Variants in EPN2 observed in about 807,000 individuals in gnomAD.
EPN2 encodes epsin 2.
A neutral mutation model predicts 61.7 loss-of-function variants in EPN2; 34 were observed. The ratio of observed to expected loss-of-function variants is 0.55; its 90% confidence interval spans 0.42 to 0.73. The LOEUF is 0.73. EPN2 is among the 30% of genes least tolerant of loss of function. The pLI is 0.00. For missense variants in EPN2, 714 were observed against 839.2 expected (o/e 0.85, Z 1.84); for synonymous variants, 349 against 353.6 (o/e 0.99, Z 0.15).
At chr17:19,287,223 A>G (rs962173874) in intron 4 of EPN2, among the ~76,000 whole-genome samples, 5 of 151,738 alleles carry the variant, frequency 3.3e-5, no homozygotes, top group African/African-American at 9.7e-5. Flanking sequence ...CTCTGCTTGG[A>G]TATCGCTCCC....
In EPN2 at chr17:19,282,979, G is replaced by A; in HGVS notation, c.-141G>A. The A allele has an allele frequency of 1.6e-6, 1 of 635,310 alleles. No homozygotes were observed. The highest frequency in any genetic ancestry group is 2.7e-6 in the Non-Finnish European group (1 of 372,218). The allele number at this position is 635,310 out of a possible 1,614,324, so 39.4% of individuals were successfully genotyped here. On this transcript the variant is annotated 5_prime_UTR_variant, in exon 3 of 11. Transcript: ENST00000314728. ...TGGCTTCCAGCTTTTCGAATCTGAG[G>A]CTCCAAAGGAGGAAATGACCATTCA...
intron 1 of EPN2, among the ~76,000 whole-genome samples, chr17:19,256,148 A>G (rs992853828): frequency 2.0e-5 from 3 of 151,984 alleles, no homozygotes; most frequent in African/African-American, 7.2e-5. Flanking sequence ...CATGTTAGCC[A>G]GGATGGTCGC....
In EPN2 at chr17:19,331,925, T is replaced by C. The variant is rs1907176183; in HGVS notation, c.1484T>C (p.Leu495Pro). The change falls in exon 10 of 11, where the codon CTG (leucine) becomes CCG (proline). Residue 495 changes from leucine (L) to proline (P), a missense_variant. Transcript: ENST00000314728. The stretch of plus-strand genomic sequence containing the variant: ...CCTGACCCCTTTGAGTCTCAACCCC[T>C]GACTGTCGCCTCAAGCAAGCCCAGC... ...TSPDPFESQP[L>P]TVASSKPSSA... 1.2e-6 allele frequency: 2 copies of C among 1,614,024 alleles called. No homozygotes were observed. The highest frequency in any genetic ancestry group is 1.1e-5 in the South Asian group (1 of 91,086).
rs1906040605 is a variant in EPN2, at chr17:19,309,988, G to A, written c.870G>A (p.Val290=). The part of the protein sequence containing the change: ...LQLALAMSRE[V]AEQEERLRRG... Reference sequence around the variant, plus strand: ...TGGCACTTGCCATGAGCAGAGAAGTGGCTGAGCAGGTCAGTGCCCCAGGCA... The same window carrying A: ...TGGCACTTGCCATGAGCAGAGAAGTAGCTGAGCAGGTCAGTGCCCCAGGCA... Residue 290 remains valine, a synonymous_variant, in exon 5 of 11, where the codon GTG becomes GTA. Transcript: ENST00000314728. 1.2e-6 allele frequency: 2 copies of A among 1,605,946 alleles called. No homozygotes were observed. The highest frequency in any genetic ancestry group is 8.5e-7 in the Non-Finnish European group (1 of 1,179,582).
chr17:19,304,280 G>A (rs1336753982), intron 4 of EPN2, among the ~76,000 whole-genome samples: 2 of 152,152 alleles, frequency 1.3e-5, no homozygotes, highest in African/African-American at 4.8e-5. Flanking sequence ...GGTCATTGCT[G>A]ATTCAGGAAG....
chr17:19,315,225 G>T (rs1363433000), intron 7 of EPN2, among the ~76,000 whole-genome samples: 1 of 152,234 alleles, frequency 6.6e-6, no homozygotes, highest in Non-Finnish European at 1.5e-5. Context: ...GGTGAACAGG[G>T]CTGTGCCCTG....
chr17:19,335,515 A>C lies in EPN2; in HGVS notation c.*1261A>C. The C allele has an allele frequency of 6.5e-7, 1 of 1,529,734 alleles. No homozygotes were observed. Among genetic ancestry groups the C allele is most frequent in the Non-Finnish European group, 8.8e-7 (1 of 1,133,146 alleles). The allele number at this position is 1,529,734 out of a possible 1,614,324, so 94.8% of individuals were successfully genotyped here. ...TCTGTCTTAATCCACGCTCAGGCTAAAGATGGGGATAATGTGGAAATGGCA... is the reference window on the plus strand; with the variant it reads ...TCTGTCTTAATCCACGCTCAGGCTACAGATGGGGATAATGTGGAAATGGCA... On this transcript the variant is annotated 3_prime_UTR_variant, in exon 11 of 11. Coordinates refer to ENST00000314728, the MANE Select transcript of EPN2 (RefSeq NM_014964.5).
rs1316509718 is a variant in EPN2 at position 19,285,005 on chromosome 17, A to G, written c.596-615A>G. Among the ~76,000 whole-genome samples the G allele has an allele frequency of 6.6e-6, 1 of 152,248 alleles. No individual in the cohort carries two copies. The highest frequency in any genetic ancestry group is 1.5e-5 in the Non-Finnish European group (1 of 68,034). The stretch of plus-strand genomic sequence containing the variant: ...TCCAGAAGCCTCAATGCAGGGTTAA[A>G]TTGCACCAAAACAAATGAAGATTGC... On this transcript the variant is annotated intron_variant, in intron 3 of 10. Transcript: ENST00000314728. The surrounding 1 kb of genome is among the most constrained non-coding windows in gnomAD (Gnocchi z 4.5).
rs143991275 is a variant in EPN2 at position 19,293,328 on chromosome 17, C to T, written c.766+7538C>T. Among the ~76,000 whole-genome samples the T allele has an allele frequency of 6.8e-3, 996 of 146,366 alleles. 16 individuals carry two copies. The highest frequency in any genetic ancestry group is 0.024 in the African/African-American group (955 of 39,384). ...CTGAGAGGCAGAGGTTGCAGTGAGCCGAGATCACTCCAGCCTGGGTGACAA... is the reference window on the plus strand; with the variant it reads ...CTGAGAGGCAGAGGTTGCAGTGAGCTGAGATCACTCCAGCCTGGGTGACAA... On this transcript the variant is annotated intron_variant, in intron 4 of 10. Transcript: ENST00000314728.
chr17:19,308,396 C>T (rs892194961), intron 4 of EPN2: 2 of 985,400 alleles, frequency 2.0e-6, no homozygotes, highest in Admixed American at 6.1e-5. Flanking sequence ...TTTAAAATGA[C>T]CCGTTAACCA....
chr17:19,292,347 A>T (rs767213440), intron 4 of EPN2, among the ~76,000 whole-genome samples: 1 of 152,224 alleles, frequency 6.6e-6, no homozygotes, highest in Non-Finnish European at 1.5e-5. Context: ...TCTAGCCCTC[A>T]GGGCCCTTCC....
rs1470818783 is a variant in EPN2, at chr17:19,285,026, A to G, written c.596-594A>G. 1.3e-5 allele frequency among the ~76,000 whole-genome samples: 2 copies of G among 152,212 alleles called. No homozygotes were observed. The highest frequency in any genetic ancestry group is 2.9e-5 in the Non-Finnish European group (2 of 68,048). ...TTAAATTGCACCAAAACAAATGAAGATTGCCCTTTAAGAAGTGAAATTGTT... is the reference window on the plus strand; with the variant it reads ...TTAAATTGCACCAAAACAAATGAAGGTTGCCCTTTAAGAAGTGAAATTGTT... On this transcript the variant is annotated intron_variant, in intron 3 of 10. Transcript: ENST00000314728. This position sits in a 1 kb window ranked among gnomAD's most constrained non-coding sequence, Gnocchi z 4.5.
intron 1 of EPN2, among the ~76,000 whole-genome samples, chr17:19,242,399 G>A (rs1430963623): frequency 3.3e-5 from 5 of 152,102 alleles, no homozygotes; most frequent in Non-Finnish European, 7.4e-5. Flanking sequence ...CTCCAGCCTG[G>A]GTGACAGAGC....
chr17:19,318,898 A>G (rs1237014520), intron 7 of EPN2, among the ~76,000 whole-genome samples: 1 of 152,088 alleles, frequency 6.6e-6, no homozygotes, highest in Non-Finnish European at 1.5e-5. Context: ...GGTAGAAAGA[A>G]TTCTTCCGGA....
chr17:19,241,198 T>C (rs1203370789), intron 1 of EPN2, among the ~76,000 whole-genome samples: 3 of 152,138 alleles, frequency 2.0e-5, no homozygotes, highest in Non-Finnish European at 4.4e-5. Flanking sequence ...TGGGGTGATA[T>C]GATTAAGGTG....
intron 4 of EPN2, among the ~76,000 whole-genome samples, chr17:19,301,601 C>CT (rs1808028959): frequency 6.6e-6 from 1 of 152,240 alleles, no homozygotes; most frequent in African/African-American, 2.4e-5. Flanking sequence ...CAAAGCACCT[C>CT]TGACGGCTTC....
In EPN2 at chr17:19,283,521, C is replaced by T. The variant is rs751794010; in HGVS notation, c.402C>T (p.Leu134=). ...REKSKQLVAL[L]KDEERLKAER... ...AGTCAAAGCAACTGGTGGCTCTCCT[C>T]AAGGACGAGGAACGGTTGAAGGCTG... The change falls in exon 3 of 11, where the codon CTC becomes CTT. Residue 134 remains leucine (L), a synonymous_variant. Coordinates refer to ENST00000314728, the MANE Select transcript of EPN2 (RefSeq NM_014964.5). This position sits in a 1 kb window ranked among gnomAD's most constrained non-coding sequence, Gnocchi z 7.0. 4.3e-6 allele frequency: 7 copies of T among 1,614,224 alleles called. No homozygotes were observed. The Admixed American group carries it at 1.0e-4, about 23-fold the overall frequency.
At chr17:19,318,672 T>C (rs1906504309) in intron 7 of EPN2, among the ~76,000 whole-genome samples, 2 of 151,966 alleles carry the variant, frequency 1.3e-5, no homozygotes, top group African/African-American at 4.8e-5. Context: ...GTTATTTTAA[T>C]AGCAGATTCT....
intron 1 of EPN2, among the ~76,000 whole-genome samples, chr17:19,248,148 C>A (rs1037466861): frequency 6.6e-6 from 1 of 152,052 alleles, no homozygotes; most frequent in African/African-American, 2.4e-5. Flanking sequence ...TAATGTGGTG[C>A]GGGGACTGGG....
Sources: gnomAD v4.1 joint callset for allele counts (sites outside exome capture counted in the v4.1 genomes callset) on GRCh38, gnomAD v4.1.1 for gene constraint, Gnocchi (gnomAD v3.1) non-coding constraint, MANE v1.5 for transcripts, NCBI Gene and HGNC (gene_info 2026-07-23, HGNC 2026-07-21) for gene names.